Variants in CATSPERG observed in about 807,000 individuals in gnomAD.
CATSPERG encodes the protein cation channel sperm-associated auxiliary subunit gamma.
A neutral mutation model predicts 145.0 loss-of-function variants in CATSPERG; 115 were observed. That is an observed-to-expected ratio of 0.79 (90% confidence interval 0.68 to 0.93). The LOEUF (loss-of-function observed/expected upper bound fraction) is 0.93, where lower values mean the gene tolerates loss of function less well. CATSPERG is among the 40% of genes least tolerant of loss of function. CATSPERG has a pLI of 0.00. For missense variants in CATSPERG, 1,296 were observed against 1,490.1 expected, an observed-to-expected ratio of 0.87 and a Z score of 2.14; for synonymous variants, 588 against 589.0, an observed-to-expected ratio of 1.00 and a Z score of 0.02.
chr19:38,362,177 C>A (rs1186775058), intron 17 of CATSPERG, 33 bp from the exon 18 acceptor site: 1 of 1,561,750 alleles, frequency 6.4e-7, no homozygotes, highest in Admixed American at 1.9e-5. Flanking sequence ...CCCCGCTGCC[C>A]AATCCCTTCA....
At chr19:38,360,292 C>A in intron 14 of CATSPERG, 197 bp from the exon 15 acceptor site, 2 of 985,220 alleles carry the variant, frequency 2.0e-6, no homozygotes, top group South Asian at 9.4e-5. Flanking sequence ...AGGGCTGGAA[C>A]CAGAGGTGAT....
At chr19:38,355,854 T>C (rs1281909152) in intron 9 of CATSPERG, among the ~76,000 whole-genome samples, 4 of 152,068 alleles carry the variant, frequency 2.6e-5, no homozygotes, top group Non-Finnish European at 5.9e-5. Flanking sequence ...TGCAGCATAG[T>C]AATTAATTAT....
In CATSPERG at chr19:38,344,293, T is replaced by A. The variant is rs1477937939; in HGVS notation, c.597-3T>A. On this transcript the variant is annotated splice_polypyrimidine_tract_variant and splice_region_variant and intron_variant, in intron 5 of 28. Coordinates refer to ENST00000409235, the MANE Select transcript of CATSPERG (RefSeq NM_021185.5). ...CCTGCGCCTATTCTGCACCTGCTGCTAGGTTCCAGATGAATATCAACGGCT... is the reference window on the plus strand; with the variant it reads ...CCTGCGCCTATTCTGCACCTGCTGCAAGGTTCCAGATGAATATCAACGGCT... 1.3e-6 allele frequency: 2 copies of A among 1,551,588 alleles called. No homozygotes were observed. Among genetic ancestry groups the A allele is most frequent in the Non-Finnish European group, 1.7e-6 (2 of 1,146,940 alleles).
chr19:38,337,102 C>G, intron 1 of CATSPERG, 119 bp from the exon 2 acceptor site: 1 of 1,267,918 alleles, frequency 7.9e-7, no homozygotes, highest in Non-Finnish European at 1.1e-6. Context: ...GGGCCAGGAG[C>G]AAGAGCCGGG....
chr19:38,357,477 T>A lies in CATSPERG; in HGVS notation c.1315+616T>A, dbSNP rs1373548032. On this transcript the variant is annotated intron_variant, in intron 11 of 28. Coordinates refer to ENST00000409235, the MANE Select transcript of CATSPERG (RefSeq NM_021185.5). ...AGGTTGAGGCTACAGTGAGCTATGATCATGCTACTACCTGGGTGACAGAGC... is the reference window on the plus strand; with the variant it reads ...AGGTTGAGGCTACAGTGAGCTATGAACATGCTACTACCTGGGTGACAGAGC... Among the ~76,000 whole-genome samples the A allele has an allele frequency of 3.3e-4, 49 of 146,582 alleles. 1 individual carries two copies. The highest frequency in any genetic ancestry group is 1.2e-3 in the African/African-American group (47 of 39,890).
intron 5 of CATSPERG, 24 bp downstream of exon 5, chr19:38,344,143 TG>T: frequency 6.4e-7 from 1 of 1,551,360 alleles, no homozygotes; most frequent in South Asian, 1.2e-5. Flanking sequence ...AGACGGGGGC[TG>T]GGGTGGACTC....
chr19:38,337,883 T>A (rs1415710385), intron 3 of CATSPERG: 1 of 367,530 alleles, frequency 2.7e-6, no homozygotes, highest in East Asian at 5.5e-5. Context: ...CACGCCCGGC[T>A]AATTTTTGTA....
At position 38,361,867 on chromosome 19, in the gene CATSPERG, C is replaced by T; in HGVS notation, c.2094+6C>T. 1 of 1,597,296 alleles carries T rather than the reference C, an allele frequency of 6.3e-7. No homozygotes were observed. Among genetic ancestry groups the T allele is most frequent in the Non-Finnish European group, 8.5e-7 (1 of 1,171,844 alleles). ...TGCACTCCGTGTACGACAAGGTGGG[C>T]GTCCGGCGGCGGGCGGGCAGGCCTG... On this transcript the variant is annotated splice_donor_region_variant and intron_variant, in intron 17 of 28. Transcript: ENST00000409235.
At chr19:38,351,609 A>G (rs1360460731) in intron 7 of CATSPERG, among the ~76,000 whole-genome samples, 6 of 147,078 alleles carry the variant, frequency 4.1e-5, no homozygotes, top group Non-Finnish European at 7.5e-5. Context: ...CTCCGCCTCA[A>G]AAAAAAAAAA....
chr19:38,354,692 C>T lies in CATSPERG; in HGVS notation c.998-18C>T. 6.2e-7 allele frequency: 1 copy of T among 1,613,082 alleles called. No individual in the cohort carries two copies. Among genetic ancestry groups the T allele is most frequent in the Non-Finnish European group, 8.5e-7 (1 of 1,179,368 alleles). On this transcript the variant is annotated intron_variant, in intron 8 of 28. Transcript: ENST00000409235. ...GATCCAACCACCTGGGTCTGAGGCC[C>T]CATACTGACTTCACTAGGCAGTTGG...
chr19:38,348,277 G>T (rs58982027), intron 7 of CATSPERG, among the ~76,000 whole-genome samples: 1 of 151,978 alleles, frequency 6.6e-6, no homozygotes, highest in South Asian at 2.1e-4. Flanking sequence ...TCCTGCCTCA[G>T]CCTACCAAAT....
chr19:38,360,377 T>C (rs1970323081), intron 14 of CATSPERG, 112 bp from the exon 15 acceptor site: 1 of 1,455,590 alleles, frequency 6.9e-7, no homozygotes. Context: ...TGGAGGTGAG[T>C]TTCCAAACTT....
Position 38,356,761 on chromosome 19 carries a change from T to G in CATSPERG, c.1215T>G (p.Ile405Met), listed in dbSNP as rs1316476777. The stretch of plus-strand genomic sequence containing the variant: ...TCTCAGTTACCACCTGCTCCATAAT[T>G]TGGTCTGAATACATCGCGGGTGAGT... ...EQIGVTTCSI[I>M]WSEYIAGEYT... The change falls in exon 11 of 29, where the codon ATT becomes ATG. Residue 405 changes from isoleucine (I) to methionine (M), a missense_variant. Ile to Met is a conservative substitution (Grantham distance 10, BLOSUM62 1). Transcript: ENST00000409235. The G allele has an allele frequency of 6.2e-7, 1 of 1,614,022 alleles. No homozygotes were observed. The highest frequency in any genetic ancestry group is 8.5e-7 in the Non-Finnish European group (1 of 1,180,014).
chr19:38,354,590 A>T, intron 8 of CATSPERG, 120 bp from the exon 9 acceptor site: 1 of 1,185,616 alleles, frequency 8.4e-7, no homozygotes. Flanking sequence ...ACCACACTGA[A>T]CGGGTGCTTC....
chr19:38,362,753 T>A lies in CATSPERG; in HGVS notation c.2396T>A (p.Val799Glu). Residue 799 changes from valine (V) to glutamate (E), a missense_variant, in exon 20 of 29, where the codon GTG becomes GAG. Physicochemically the swap from Val to Glu is moderately radical, Grantham distance 121 (BLOSUM62 -2). Transcript: ENST00000409235. Reference protein sequence around the residue: ...FQLHSQVDVGVVLADPGCIEA... With the variant: ...FQLHSQVDVGEVLADPGCIEA... ...CTGCATAGCCAGGTGGACGTGGGCG[T>A]GGTGCTGGCCGACCCCGGCTGCATC... 2 of 1,613,444 alleles carry A rather than the reference T, an allele frequency of 1.2e-6. No homozygotes were observed. Among genetic ancestry groups the A allele is most frequent in the Non-Finnish European group, 1.7e-6 (2 of 1,179,948 alleles).
rs555997202 is a variant in CATSPERG, at chr19:38,367,759, C to T, written c.2913C>T (p.Phe971=). 17 of 1,614,124 alleles carry T rather than the reference C, an allele frequency of 1.1e-5. 1 individual carries two copies. The South Asian group carries it at 1.5e-4, about 15-fold the overall frequency. Residue 971 remains phenylalanine (F), a synonymous_variant, in exon 25 of 29, where the codon TTC becomes TTT. Coordinates refer to ENST00000409235, the MANE Select transcript of CATSPERG (RefSeq NM_021185.5). ...ACAGTGAGGACGAAATCTACCGCTT[C>T]AACAGCCCCCTGGACAAGTAATCCC... is the stretch of plus-strand genomic sequence containing the variant. ...KDYSEDEIYR[F]NSPLDKTNSL...
intron 20 of CATSPERG, among the ~76,000 whole-genome samples, chr19:38,363,553 G>T (rs978219819): frequency 5.3e-5 from 8 of 150,026 alleles, no homozygotes; most frequent in African/African-American, 1.7e-4. Flanking sequence ...TGGAGGGAAG[G>T]TCAGCAGATA....
rs766439910 is a variant in CATSPERG at position 38,337,650 on chromosome 19, AGT to A, written c.324+6_324+7del. The A allele has an allele frequency of 1.5e-5, 23 of 1,551,500 alleles. No individual in the cohort carries two copies. In the Admixed American group the frequency reaches 3.5e-4, roughly 24 times the overall value. ...CAACTACTCCTGCGAGGAAAAGGTG[AGT>A]GGGTGCAGCACGGATAGGCTCATTC... On this transcript the variant is annotated splice_donor_5th_base_variant and intron_variant, in intron 3 of 28. Transcript: ENST00000409235.
intron 14 of CATSPERG, chr19:38,360,183 C>A: frequency 1.0e-6 from 1 of 985,306 alleles, no homozygotes; most frequent in South Asian, 4.7e-5. Context: ...CTCTAGGAAC[C>A]GTGGCTGTTA....
Sources: allele counts gnomAD v4.1 joint callset (sites outside exome capture counted in the v4.1 genomes callset), GRCh38; gene constraint gnomAD v4.1.1; transcripts MANE v1.5; gene names NCBI Gene and HGNC (gene_info 2026-07-23, HGNC 2026-07-21).